RGS17: variants seen among roughly 807,000 people sequenced by gnomAD.
The protein encoded by RGS17 is regulator of G-protein signaling 17.
A neutral mutation model predicts 25.5 loss-of-function variants in RGS17; 12 were observed. The observed-to-expected ratio is 0.47, with a 90% CI of 0.30 to 0.76. The LOEUF is 0.76. Ranked by LOEUF, RGS17 falls within the 30% of genes least tolerant of loss-of-function variation. The pLI, the probability that RGS17 is intolerant of heterozygous loss-of-function variation, is 0.07. For missense variants in RGS17, 196 were observed against 242.2 expected (o/e 0.81, Z 1.27); for synonymous variants, 71 against 76.9 (o/e 0.92, Z 0.40).
intron 4 of RGS17, among the ~76,000 whole-genome samples, chr6:153,020,506 ATTCTT>A (rs2129106509): frequency 6.6e-6 from 1 of 152,254 alleles, no homozygotes; most frequent in African/African-American, 2.4e-5. Flanking sequence ...CATAAAACAT[ATTCTT>A]AAAATAAGGT....
chr6:153,036,929 C>G (rs945382946), intron 2 of RGS17, among the ~76,000 whole-genome samples: 1 of 152,114 alleles, frequency 6.6e-6, no homozygotes, highest in Admixed American at 6.5e-5. Context: ...CAGGAGAATA[C>G]TTAAAATATA....
intron 1 of RGS17, among the ~76,000 whole-genome samples, chr6:153,078,124 T>C (rs1487101680): frequency 6.6e-6 from 1 of 152,200 alleles, no homozygotes; most frequent in African/African-American, 2.4e-5. Flanking sequence ...TTTGCCTGCC[T>C]TGGCCTCCCA....
At chr6:153,044,612 A>G (rs1776365339) in intron 1 of RGS17, among the ~76,000 whole-genome samples, 1 of 152,220 alleles carries the variant, frequency 6.6e-6, no homozygotes, top group Non-Finnish European at 1.5e-5. Context: ...CATTACCAAA[A>G]GGCCTTATTT....
intron 2 of RGS17, among the ~76,000 whole-genome samples, chr6:153,039,178 C>T (rs183490863): frequency 7.4e-4 from 112 of 152,162 alleles, no homozygotes; most frequent in Non-Finnish European, 1.4e-3. Context: ...TAAAGTGGAC[C>T]GAACAACGGG....
At position 153,131,162 on chromosome 6, in the gene RGS17, CG is replaced by C; in HGVS notation, c.-65del. On this transcript the variant is annotated 5_prime_UTR_variant, in exon 1 of 5. Transcript: ENST00000206262. ...GGTGTGGGCAGCGCGCCGATGGGTC[CG>C]GGGGAGCGGGGCTGGGCGGCTCGGT... The C allele has an allele frequency of 6.6e-6, 1 of 152,256 alleles. No individual in the cohort carries two copies. The highest frequency in any genetic ancestry group is 1.5e-5 in the Non-Finnish European group (1 of 68,256). The allele number at this position is 152,256 out of a possible 1,614,324, so 9.4% of individuals were successfully genotyped here.
intron 1 of RGS17, among the ~76,000 whole-genome samples, chr6:153,079,331 G>A (rs183363009): frequency 3.3e-5 from 5 of 152,244 alleles, no homozygotes; most frequent in African/African-American, 1.2e-4. Flanking sequence ...GCCCGCTTCT[G>A]CCTCCCAAAA....
rs1392484975 is a variant in RGS17 at position 153,010,202 on chromosome 6, ATAT to A, written c.*1369_*1371del. On this transcript the variant is annotated 3_prime_UTR_variant, in exon 5 of 5. Transcript: ENST00000206262. Reference sequence around the variant, plus strand: ...AAAAAATAGTCTTCAGGGGATATTAATATTCAAATGTAACACTTTGATATAAAT... The same window carrying A: ...AAAAAATAGTCTTCAGGGGATATTAATCAAATGTAACACTTTGATATAAAT... The A allele has an allele frequency of 6.6e-6, 1 of 151,970 alleles. No individual in the cohort carries two copies. Among genetic ancestry groups the A allele is most frequent in the Non-Finnish European group, 1.5e-5 (1 of 67,852 alleles). 9.4% of individuals were successfully genotyped at this position (151,970 alleles called of 1,614,324 possible). A position where few individuals can be genotyped will look rare whatever the true frequency, so the allele number is the denominator to read the frequency against.
intron 1 of RGS17, among the ~76,000 whole-genome samples, chr6:153,098,096 A>C (rs1318876446): frequency 6.6e-6 from 1 of 152,176 alleles, no homozygotes; most frequent in African/African-American, 2.4e-5. Context: ...TAGATCGAGA[A>C]AGTAAAAGGA....
At position 153,024,370 on chromosome 6, in the gene RGS17, A is replaced by G. The variant is rs763219498; in HGVS notation, c.336T>C (p.Leu112=). 6.2e-7 allele frequency: 1 copy of G among 1,614,176 alleles called. No individual in the cohort carries two copies. Among genetic ancestry groups the G allele is most frequent in the Admixed American group, 1.7e-5 (1 of 60,022 alleles). ...TTAAGTCTTCACAAGCAAGCCAGAA[A>G]AGTAGGTTCTCTTCACTGTATTCTG... is the stretch of plus-strand genomic sequence containing the variant. The part of the protein sequence containing the change: ...LRTEYSEENL[L]FWLACEDLKK... The change falls in exon 4 of 5, where the codon CTT becomes CTC. Residue 112 remains leucine (L), a synonymous_variant. Transcript: ENST00000206262.
chr6:153,069,338 A>T (rs1776751713), intron 1 of RGS17, among the ~76,000 whole-genome samples: 1 of 152,218 alleles, frequency 6.6e-6, no homozygotes, highest in Non-Finnish European at 1.5e-5. Flanking sequence ...GTTAAGTAAA[A>T]TAAGCCAGGT....
At chr6:153,032,681 A>G (rs1009165008) in intron 2 of RGS17, among the ~76,000 whole-genome samples, 2 of 152,214 alleles carry the variant, frequency 1.3e-5, no homozygotes, top group Admixed American at 6.5e-5. Flanking sequence ...GTAATAATCA[A>G]ACTCGAAGAG....
chr6:153,061,488 G>C (rs1035444464), intron 1 of RGS17, among the ~76,000 whole-genome samples: 2 of 151,988 alleles, frequency 1.3e-5, no homozygotes, highest in South Asian at 4.2e-4. Flanking sequence ...TTAAAATAAG[G>C]AAAGAAGAAA....
intron 2 of RGS17, among the ~76,000 whole-genome samples, chr6:153,031,237 A>C (rs969374731): frequency 6.6e-6 from 1 of 152,230 alleles, no homozygotes; most frequent in Non-Finnish European, 1.5e-5. Context: ...TTCACCATTC[A>C]TAATGGGGAT....
chr6:153,106,706 G>A (rs1371859263), intron 1 of RGS17, among the ~76,000 whole-genome samples: 3 of 151,878 alleles, frequency 2.0e-5, no homozygotes, highest in South Asian at 2.1e-4. Context: ...GCAATGGTGC[G>A]ATTTCAGCTC....
chr6:153,077,482 T>A (rs182117862), intron 1 of RGS17, among the ~76,000 whole-genome samples: 6 of 152,226 alleles, frequency 3.9e-5, no homozygotes, highest in African/African-American at 1.2e-4. Context: ...TATTCTTTGA[T>A]AATATATACT....
At chr6:153,104,837 A>G (rs1206892664) in intron 1 of RGS17, among the ~76,000 whole-genome samples, 1 of 151,696 alleles carries the variant, frequency 6.6e-6, no homozygotes, top group Middle Eastern at 3.2e-3. Flanking sequence ...AAAAAAAAAA[A>G]GAAAAGAAAA....
At chr6:153,015,918 G>T (rs1213380955) in intron 4 of RGS17, among the ~76,000 whole-genome samples, 1 of 152,144 alleles carries the variant, frequency 6.6e-6, no homozygotes, top group Non-Finnish European at 1.5e-5. Context: ...CTCCCAAAGT[G>T]CTGGGATTAC....
At chr6:153,078,199 A>T (rs1776914809) in intron 1 of RGS17, among the ~76,000 whole-genome samples, 1 of 152,118 alleles carries the variant, frequency 6.6e-6, no homozygotes, top group Non-Finnish European at 1.5e-5. Context: ...GAAATTTATC[A>T]TCAGCTTTTG....
At chr6:153,113,627 A>G (rs1216607351) in intron 1 of RGS17, among the ~76,000 whole-genome samples, 2 of 152,212 alleles carry the variant, frequency 1.3e-5, no homozygotes, top group Non-Finnish European at 2.9e-5. Flanking sequence ...CAGAATATAT[A>G]TTCTTCTTAG....
Sources: gnomAD v4.1 joint callset for allele counts (sites outside exome capture counted in the v4.1 genomes callset) on GRCh38, gnomAD v4.1.1 for gene constraint, MANE v1.5 for transcripts, NCBI Gene and HGNC (gene_info 2026-07-23, HGNC 2026-07-21) for gene names.